SLIT3: variants seen among roughly 807,000 people sequenced by gnomAD.
SLIT3 encodes the protein slit guidance ligand 3.
Under a neutral mutation model 184.0 loss-of-function variants are expected in SLIT3, and 68 were observed. That is an observed-to-expected ratio of 0.37 (90% confidence interval 0.30 to 0.45). SLIT3 has a LOEUF of 0.45. Ranked by LOEUF, SLIT3 falls within the 20% of genes least tolerant of loss-of-function variation. The pLI, the probability that SLIT3 is intolerant of heterozygous loss-of-function variation, is 1.00. For missense variants in SLIT3, 1,707 were observed against 2,026.0 expected (o/e 0.84, Z 3.02); for synonymous variants, 831 against 828.6 (o/e 1.00, Z -0.05).
At chr5:169,032,155 A>C (rs1757050707) in intron 4 of SLIT3, among the ~76,000 whole-genome samples, 1 of 152,218 alleles carries the variant, frequency 6.6e-6, no homozygotes, top group Non-Finnish European at 1.5e-5. Context: ...AATTCATGTC[A>C]GTGAAAGTCG....
rs72837996 is a variant in SLIT3 at position 169,292,960 on chromosome 5, C to T, written c.197+7553G>A. ...CAAAGTGAAAAGGTTCTTTTGAATGCGCTGGCTGATAGAAGTCAAATAAAA... is the reference window on the plus strand; with the variant it reads ...CAAAGTGAAAAGGTTCTTTTGAATGTGCTGGCTGATAGAAGTCAAATAAAA... On this transcript the variant is annotated intron_variant, in intron 1 of 35. Transcript: ENST00000519560. 3.0e-4 allele frequency among the ~76,000 whole-genome samples: 45 copies of T among 152,262 alleles called. 2 individuals carry two copies. The highest frequency in any genetic ancestry group is 8.3e-4 in the South Asian group (4 of 4,812).
intron 4 of SLIT3, among the ~76,000 whole-genome samples, chr5:168,914,735 T>C (rs942597826): frequency 6.6e-6 from 1 of 151,930 alleles, no homozygotes; most frequent in African/African-American, 2.4e-5. Context: ...ATTTATGACA[T>C]AGGTGATTGG....
intron 4 of SLIT3, among the ~76,000 whole-genome samples, chr5:169,003,135 T>C (rs1406872731): frequency 6.6e-6 from 1 of 152,254 alleles, no homozygotes; most frequent in East Asian, 1.9e-4. Context: ...ATTACCAGTA[T>C]GTATCTACAT....
chr5:168,999,094 T>C (rs541747434), intron 4 of SLIT3, among the ~76,000 whole-genome samples: 1 of 152,260 alleles, frequency 6.6e-6, no homozygotes, highest in African/African-American at 2.4e-5. Flanking sequence ...TAAATTTGTT[T>C]TTTTAGAGAC....
chr5:169,167,229 A>T (rs1227348493), intron 4 of SLIT3, among the ~76,000 whole-genome samples: 1 of 151,592 alleles, frequency 6.6e-6, no homozygotes, highest in Non-Finnish European at 1.5e-5. Context: ...GACCAATATG[A>T]ACTGAATGAC....
chr5:168,912,773 T>C (rs549980361), intron 4 of SLIT3, among the ~76,000 whole-genome samples: 2 of 152,270 alleles, frequency 1.3e-5, no homozygotes, highest in African/African-American at 4.8e-5. Flanking sequence ...CAGGCTGGGC[T>C]ATAAACCCAT....
At chr5:168,945,408 T>C (rs1762443088) in intron 4 of SLIT3, among the ~76,000 whole-genome samples, 1 of 152,286 alleles carries the variant, frequency 6.6e-6, no homozygotes, top group East Asian at 1.9e-4. Context: ...TGGCTAATTT[T>C]TGTATTTTTA....
At chr5:169,115,062 G>T (rs1037926408) in intron 4 of SLIT3, among the ~76,000 whole-genome samples, 3 of 152,176 alleles carry the variant, frequency 2.0e-5, no homozygotes, top group African/African-American at 4.8e-5. Context: ...GGAGAAGTTT[G>T]CAGGGGTCTC....
intron 1 of SLIT3, among the ~76,000 whole-genome samples, chr5:169,269,412 A>T (rs919932958): frequency 3.9e-4 from 59 of 152,284 alleles, no homozygotes; most frequent in African/African-American, 1.4e-3. Flanking sequence ...GAGGCCTCAA[A>T]CTAATGCCCC....
intron 4 of SLIT3, among the ~76,000 whole-genome samples, chr5:169,074,489 T>C (rs1456033045): frequency 6.6e-6 from 1 of 152,032 alleles, no homozygotes; most frequent in African/African-American, 2.4e-5. Context: ...GTCCCAAAAG[T>C]TTTTCAATTA....
rs1342259998 is a variant in SLIT3, at chr5:168,827,087, C to G, written c.558-3756G>C. On this transcript the variant is annotated intron_variant, in intron 6 of 35. Coordinates refer to ENST00000519560, the MANE Select transcript of SLIT3 (RefSeq NM_003062.4). ...CCTGTATCGTTTCATTTAATTCCTC[C>G]AATTATCCCACGAGGCAGGGACTTT... Among the ~76,000 whole-genome samples, 6 of 152,164 alleles carry G rather than the reference C, an allele frequency of 3.9e-5. No homozygotes were observed. The South Asian group carries it at 1.0e-3, about 26-fold the overall frequency.
chr5:169,046,812 T>C (rs1757638422), intron 4 of SLIT3, among the ~76,000 whole-genome samples: 1 of 152,156 alleles, frequency 6.6e-6, no homozygotes, highest in Admixed American at 6.5e-5. Flanking sequence ...TAGAGATAAT[T>C]CTTCTCCTCC....
intron 4 of SLIT3, among the ~76,000 whole-genome samples, chr5:168,917,990 C>A (rs1393843379): frequency 6.6e-6 from 1 of 152,168 alleles, no homozygotes; most frequent in Admixed American, 6.5e-5. Context: ...AAATATATTT[C>A]TATCTAGAGG....
At chr5:169,233,751 ATTCT>A (rs1397284328) in intron 3 of SLIT3, among the ~76,000 whole-genome samples, 1 of 152,118 alleles carries the variant, frequency 6.6e-6, no homozygotes, top group Non-Finnish European at 1.5e-5. Flanking sequence ...CTTTATATCC[ATTCT>A]TTTTCCTTGG....
chr5:169,209,268 C>T (rs1390163744), intron 3 of SLIT3, among the ~76,000 whole-genome samples: 1 of 152,098 alleles, frequency 6.6e-6, no homozygotes, highest in African/African-American at 2.4e-5. Flanking sequence ...TCTCACATCA[C>T]TTAGAATGGC....
intron 4 of SLIT3, among the ~76,000 whole-genome samples, chr5:169,069,932 C>G (rs535632396): frequency 6.6e-6 from 1 of 152,266 alleles, no homozygotes; most frequent in East Asian, 1.9e-4. Context: ...GGAGTCAAGT[C>G]AAGCTCCAAT....
At chr5:168,822,960 C>T (rs1269100328) in intron 7 of SLIT3, among the ~76,000 whole-genome samples, 1 of 152,190 alleles carries the variant, frequency 6.6e-6, no homozygotes, top group Non-Finnish European at 1.5e-5. Flanking sequence ...CTAATCTCTT[C>T]TATCAGGACG....
intron 4 of SLIT3, among the ~76,000 whole-genome samples, chr5:168,961,287 C>G (rs538464102): frequency 3.3e-5 from 5 of 152,288 alleles, no homozygotes; most frequent in African/African-American, 1.2e-4. Context: ...CTCATTCATT[C>G]AAAAGACATG....
chr5:169,067,144 T>C (rs1056190570), intron 4 of SLIT3, among the ~76,000 whole-genome samples: 2 of 152,190 alleles, frequency 1.3e-5, no homozygotes, highest in Admixed American at 1.3e-4. Context: ...GTACAGTGGC[T>C]CATGTTTGTA....
Sources: gnomAD v4.1 joint callset for allele counts (sites outside exome capture counted in the v4.1 genomes callset) on GRCh38, gnomAD v4.1.1 for gene constraint, MANE v1.5 for transcripts, NCBI Gene and HGNC (gene_info 2026-07-23, HGNC 2026-07-21) for gene names.